Variants in PALM2AKAP2 observed in about 807,000 individuals in gnomAD.
The protein encoded by PALM2AKAP2 is PALM2-AKAP2 fusion protein.
A neutral mutation model predicts 71.5 loss-of-function variants in PALM2AKAP2; 37 were observed. The observed-to-expected ratio is 0.52, with a 90% confidence interval of 0.40 to 0.68. The LOEUF is 0.68. PALM2AKAP2 is among the 30% of genes least tolerant of loss of function. PALM2AKAP2 has a pLI of 0.00. For missense variants in PALM2AKAP2, 1,224 were observed against 1,191.8 expected (o/e 1.03, Z -0.40); for synonymous variants, 468 against 478.8 (o/e 0.98, Z 0.29).
At chr9:109,810,951 T>G (rs10980058) in intron 1 of PALM2AKAP2, among the ~76,000 whole-genome samples, 10,539 of 152,174 alleles carry the variant, frequency 0.069, 487 homozygotes, top group South Asian at 0.098. Context: ...TGCTTCCGTT[T>G]TCTCAGTGAA....
rs57437973 is a variant in PALM2AKAP2 at position 109,811,609 on chromosome 9, T to C, written c.45+31076T>C. 3.3e-5 allele frequency among the ~76,000 whole-genome samples: 5 copies of C among 152,350 alleles called. No individual in the cohort carries two copies. In the East Asian group the frequency reaches 9.6e-4, roughly 29 times the overall value. ...TTTTTAGAGATGGAGTCTTGCTCTG[T>C]TGTCCAGGCTGGAATGCAGTACCAT... On this transcript the variant is annotated intron_variant, in intron 1 of 9. Coordinates refer to the PALM2AKAP2 transcript ENST00000302798.
chr9:109,796,769 G>A (rs551397692), intron 1 of PALM2AKAP2, among the ~76,000 whole-genome samples: 50 of 152,282 alleles, frequency 3.3e-4, no homozygotes, highest in Middle Eastern at 3.4e-3. Flanking sequence ...TCACTATCAT[G>A]AGAACAGCAT....
At chr9:109,643,326 TCTAGTC>T (rs1252014612) in intron 1 of PALM2AKAP2, among the ~76,000 whole-genome samples, 3 of 152,326 alleles carry the variant, frequency 2.0e-5, no homozygotes, top group East Asian at 3.9e-4. Context: ...TGAACATAGA[TCTAGTC>T]CTCTCACTGG....
chr9:109,970,955 T>A (rs1181649918), intron 6 of PALM2AKAP2, among the ~76,000 whole-genome samples: 2 of 151,958 alleles, frequency 1.3e-5, no homozygotes, highest in Non-Finnish European at 2.9e-5. Flanking sequence ...AAAAAAAATT[T>A]AAAAAATTAT....
At chr9:109,777,529 T>A (rs529664626), upstream of PALM2AKAP2, among the ~76,000 whole-genome samples, 1 of 152,320 alleles carries the variant, frequency 6.6e-6, no homozygotes, top group African/African-American at 2.4e-5. Flanking sequence ...AAGAAGCAGT[T>A]TGTACTCATG....
chr9:109,797,838 A>C (rs981539659), intron 1 of PALM2AKAP2, among the ~76,000 whole-genome samples: 2 of 152,228 alleles, frequency 1.3e-5, no homozygotes, highest in Non-Finnish European at 2.9e-5. Context: ...GGCTTTCACC[A>C]GGTAAACACA....
chr9:110,147,743 C>A (rs1836213092), intron 2 of PALM2AKAP2, among the ~76,000 whole-genome samples: 1 of 152,132 alleles, frequency 6.6e-6, no homozygotes. Context: ...GAACTCCAGT[C>A]TGAGTGACAA....
intron 1 of PALM2AKAP2, among the ~76,000 whole-genome samples, chr9:109,785,080 A>G (rs1430527779): frequency 6.6e-6 from 1 of 152,208 alleles, no homozygotes; most frequent in African/African-American, 2.4e-5. Context: ...TTTGGGCATG[A>G]GTGAAAATAA....
chr9:109,910,986 GA>G, intron 3 of PALM2AKAP2, among the ~76,000 whole-genome samples: 1 of 152,292 alleles, frequency 6.6e-6, no homozygotes, highest in South Asian at 2.1e-4. Context: ...TGACTAGCAG[GA>G]AGGAGGCATC....
chr9:110,137,358 C>T, exon 2 of PALM2AKAP2: 3 of 1,614,192 alleles, frequency 1.9e-6, no homozygotes, highest in African/African-American at 1.3e-5. Context: ...CCGAGACCAC[C>T]TTCTGTCGGG....
At position 109,852,501 on chromosome 9, in the gene PALM2AKAP2, C is replaced by T. The variant is rs117656291; in HGVS notation, c.46-14990C>T. 5.2e-3 allele frequency among the ~76,000 whole-genome samples: 799 copies of T among 152,280 alleles called. 8 individuals carry two copies. Among genetic ancestry groups the T allele is most frequent in the East Asian group, 0.042 (216 of 5,182 alleles). On this transcript the variant is annotated intron_variant, in intron 1 of 9. Transcript: ENST00000302798. ...TGTGAATAGTGCTGTGATGAACATA[C>T]GAGTACATGCCCTTTTGATAGTATG...
intron 1 of PALM2AKAP2, among the ~76,000 whole-genome samples, chr9:109,801,154 A>G (rs1827419570): frequency 6.6e-6 from 1 of 152,224 alleles, no homozygotes. Flanking sequence ...AGCTCAGCAG[A>G]CAGACCTGTT....
At chr9:109,998,868 T>A (rs1039640712) in intron 6 of PALM2AKAP2, among the ~76,000 whole-genome samples, 29 of 151,260 alleles carry the variant, frequency 1.9e-4, no homozygotes, top group African/African-American at 6.8e-4. Context: ...ATGTCATCCA[T>A]CAGGTGACTT....
intron 1 of PALM2AKAP2, among the ~76,000 whole-genome samples, chr9:109,754,301 T>C (rs1462246531): frequency 6.6e-6 from 1 of 152,210 alleles, no homozygotes; most frequent in Non-Finnish European, 1.5e-5. Flanking sequence ...TCCATTGTTT[T>C]GGTTACTGTG....
intron 6 of PALM2AKAP2, among the ~76,000 whole-genome samples, chr9:109,947,403 A>C (rs893180110): frequency 1.3e-5 from 2 of 152,212 alleles, no homozygotes; most frequent in Non-Finnish European, 2.9e-5. Flanking sequence ...CAAGTGTAAA[A>C]ACAGACTATT....
intron 1 of PALM2AKAP2, among the ~76,000 whole-genome samples, chr9:109,752,928 T>G (rs1026713014): frequency 6.6e-6 from 1 of 152,086 alleles, no homozygotes; most frequent in Non-Finnish European, 1.5e-5. Flanking sequence ...TTTGGAATAT[T>G]ACAGAGGTTA....
chr9:109,863,650 C>A (rs529436733), intron 1 of PALM2AKAP2, among the ~76,000 whole-genome samples: 2 of 152,274 alleles, frequency 1.3e-5, no homozygotes, highest in Admixed American at 1.3e-4. Flanking sequence ...CAGCTCAGAC[C>A]TCAGCCATCA....
At chr9:110,009,720 A>AG (rs1291906119) in intron 6 of PALM2AKAP2, among the ~76,000 whole-genome samples, 1 of 151,758 alleles carries the variant, frequency 6.6e-6, no homozygotes, top group Non-Finnish European at 1.5e-5. Context: ...TCTCAAAAAA[A>AG]AAAAAAAAAA....
At chr9:109,824,706 A>C (rs1828097486) in intron 1 of PALM2AKAP2, among the ~76,000 whole-genome samples, 3 of 152,194 alleles carry the variant, frequency 2.0e-5, no homozygotes, top group Admixed American at 2.0e-4. Flanking sequence ...TCATTCAAAA[A>C]CAGGCAGATG....
Sources: gnomAD v4.1 joint callset for allele counts (sites outside exome capture counted in the v4.1 genomes callset) on GRCh38, gnomAD v4.1.1 for gene constraint, MANE v1.5 for transcripts, NCBI Gene and HGNC (gene_info 2026-07-23, HGNC 2026-07-21) for gene names.